The following CALN1 variants were observed in gnomAD, a reference collection of about 807,000 sequenced individuals.
CALN1 encodes the protein calcium-binding protein 8.
CALN1 carries 17 observed loss-of-function variants against 30.6 expected under a neutral mutation model. The observed-to-expected ratio is 0.56, with a 90% CI of 0.38 to 0.83. The LOEUF (loss-of-function observed/expected upper bound fraction) is 0.83, where lower values mean the gene tolerates loss of function less well. Among genes scored for constraint, CALN1 ranks in the 40% least tolerant of loss-of-function variants. CALN1 has a pLI of 0.00. For synonymous variants in CALN1, 156 were observed against 131.4 expected (o/e 1.19, Z -1.28); for missense variants, 291 against 354.9 (o/e 0.82, Z 1.45).
chr7:72,152,861 C>T (rs893505781), intron 3 of CALN1, among the ~76,000 whole-genome samples: 31 of 152,200 alleles, frequency 2.0e-4, no homozygotes, highest in Admixed American at 2.0e-4. Context: ...TCTGAGGTCA[C>T]TCCATGGGGG....
chr7:72,403,713 C>T (rs1430926248), intron 1 of CALN1, among the ~76,000 whole-genome samples: 1 of 152,118 alleles, frequency 6.6e-6, no homozygotes, highest in Non-Finnish European at 1.5e-5. Context: ...CCATTCGTAC[C>T]CCCGTGGGCA....
chr7:72,462,190 T>G, the CALN1 span, among the ~76,000 whole-genome samples: 364 of 139,120 alleles, frequency 2.6e-3, 1 homozygote, highest in African/African-American at 0.011. Flanking sequence ...ATTTATTTAT[T>G]TATTTATTTG....
At chr7:72,191,988 G>C (rs111269256) in intron 3 of CALN1, among the ~76,000 whole-genome samples, 1 of 152,042 alleles carries the variant, frequency 6.6e-6, no homozygotes, top group African/African-American at 2.4e-5. Context: ...ACCTTTAACG[G>C]CAAAAACCAC....
intron 3 of CALN1, among the ~76,000 whole-genome samples, chr7:72,210,493 AAG>A (rs1401160604): frequency 1.3e-5 from 2 of 152,084 alleles, no homozygotes; most frequent in Non-Finnish European, 2.9e-5. Context: ...TTATAAAGGA[AAG>A]AGGTTTCATT....
chr7:72,129,213 G>C (rs993342826), intron 3 of CALN1, among the ~76,000 whole-genome samples: 2 of 152,138 alleles, frequency 1.3e-5, no homozygotes, highest in African/African-American at 4.8e-5. Flanking sequence ...AGATCAAATG[G>C]TTTGATAACA....
At chr7:71,820,658 A>T (rs1788534238) in intron 5 of CALN1, among the ~76,000 whole-genome samples, 1 of 152,208 alleles carries the variant, frequency 6.6e-6, no homozygotes, top group African/African-American at 2.4e-5. Context: ...GAATTGCTGA[A>T]TCATACGGTA....
chr7:71,920,415 A>G (rs1367206644), intron 5 of CALN1, among the ~76,000 whole-genome samples: 1 of 143,948 alleles, frequency 6.9e-6, no homozygotes, highest in Admixed American at 7.4e-5. Context: ...GGCTCACTGC[A>G]AGCTCTGCCT....
chr7:71,991,886 T>A (rs983071196), intron 5 of CALN1, among the ~76,000 whole-genome samples: 3 of 151,836 alleles, frequency 2.0e-5, no homozygotes, highest in Non-Finnish European at 2.9e-5. Context: ...AATAAGTAAT[T>A]CAAAATCTAA....
chr7:71,956,800 G>T (rs989658357), intron 5 of CALN1, among the ~76,000 whole-genome samples: 1 of 152,048 alleles, frequency 6.6e-6, no homozygotes, highest in African/African-American at 2.4e-5. Context: ...AGGTTCAAGC[G>T]ATTCTCCTGT....
At chr7:71,997,241 A>T (rs6963985) in intron 5 of CALN1, among the ~76,000 whole-genome samples, 2 of 146,924 alleles carry the variant, frequency 1.4e-5, no homozygotes. Flanking sequence ...TCTAAAAAAA[A>T]AAAGAAAGAA....
rs77025128 is a variant in CALN1, at chr7:71,953,411, A to G, written c.501+70246T>C. ...CTTGTGGTAGAAGAATGGATTTATCATCTTAAATGACCACTCCAGGCCACT... is the reference window on the plus strand; with the variant it reads ...CTTGTGGTAGAAGAATGGATTTATCGTCTTAAATGACCACTCCAGGCCACT... On this transcript the variant is annotated intron_variant, in intron 5 of 6. Coordinates refer to ENST00000395275, the MANE Select transcript of CALN1 (RefSeq NM_031468.4). 4.0e-3 allele frequency among the ~76,000 whole-genome samples: 613 copies of G among 152,268 alleles called. 3 individuals are homozygous for G. Among genetic ancestry groups the G allele is most frequent in the Non-Finnish European group, 7.0e-3 (474 of 68,032 alleles).
Position 72,293,095 on chromosome 7 carries a change from C to T in CALN1, c.120-14285G>A, listed in dbSNP as rs529798103. On this transcript the variant is annotated intron_variant, in intron 2 of 6. Transcript: ENST00000395275. ...TCCTTTCTTTCTAACTGATTTTATTCGTCAGAGCTTAGCCAGGAAAACAGA... is the reference window on the plus strand; with the variant it reads ...TCCTTTCTTTCTAACTGATTTTATTTGTCAGAGCTTAGCCAGGAAAACAGA... 5.5e-4 allele frequency among the ~76,000 whole-genome samples: 84 copies of T among 152,202 alleles called. 1 individual carries two copies. The highest frequency in any genetic ancestry group is 2.0e-3 in the African/African-American group (81 of 41,532).
At chr7:71,993,360 G>A (rs1799060154) in intron 5 of CALN1, among the ~76,000 whole-genome samples, 1 of 152,088 alleles carries the variant, frequency 6.6e-6, no homozygotes, top group Admixed American at 6.6e-5. Context: ...TAGCTACTTG[G>A]GAGGCTGAGG....
At chr7:72,251,535 G>C (rs1475523419) in intron 3 of CALN1, among the ~76,000 whole-genome samples, 5 of 152,012 alleles carry the variant, frequency 3.3e-5, no homozygotes, top group African/African-American at 9.7e-5. Context: ...AAGCAGCTAA[G>C]ACTATGGGTA....
chr7:72,232,213 G>A (rs1377099749), intron 3 of CALN1, among the ~76,000 whole-genome samples: 1 of 152,150 alleles, frequency 6.6e-6, no homozygotes, highest in African/African-American at 2.4e-5. Flanking sequence ...GTTTAGATTT[G>A]GGCCAAGAGC....
intron 3 of CALN1, among the ~76,000 whole-genome samples, chr7:72,243,445 G>A (rs945069921): frequency 1.3e-5 from 2 of 152,286 alleles, no homozygotes; most frequent in African/African-American, 2.4e-5. Context: ...ACTGTCTAAC[G>A]TTTGTTTGTT....
chr7:72,040,352 G>C (rs1802051082), intron 4 of CALN1, among the ~76,000 whole-genome samples: 1 of 151,928 alleles, frequency 6.6e-6, no homozygotes. Flanking sequence ...AGCTGTGATG[G>C]TGTGTGCTTT....
At chr7:72,339,164 T>C (rs947426271) in intron 2 of CALN1, among the ~76,000 whole-genome samples, 2 of 152,242 alleles carry the variant, frequency 1.3e-5, no homozygotes, top group African/African-American at 4.8e-5. Context: ...TTCTTTTTTA[T>C]GGCTGAATAG....
chr7:72,117,027 C>T (rs1808032377), intron 3 of CALN1, among the ~76,000 whole-genome samples: 1 of 152,092 alleles, frequency 6.6e-6, no homozygotes, highest in Non-Finnish European at 1.5e-5. Flanking sequence ...AAAAGATTTT[C>T]TGAGGCTGAG....
Sources: gnomAD v4.1 joint callset for allele counts (sites outside exome capture counted in the v4.1 genomes callset) on GRCh38, gnomAD v4.1.1 for gene constraint, MANE v1.5 for transcripts, NCBI Gene and HGNC (gene_info 2026-07-23, HGNC 2026-07-21) for gene names.